The following SLC9A5 variants were observed in gnomAD, a reference collection of about 807,000 sequenced individuals.
SLC9A5 encodes the protein solute carrier family 9 member A5.
Under a neutral mutation model 91.7 loss-of-function variants are expected in SLC9A5, and 52 were observed. The observed-to-expected ratio is 0.57, with a 90% CI of 0.45 to 0.71. The LOEUF (loss-of-function observed/expected upper bound fraction) is 0.71. Ranked by LOEUF, SLC9A5 falls within the 30% of genes least tolerant of loss-of-function variation. The probability of loss-of-function intolerance (pLI) is 0.00; values close to 1 mark genes in which losing one functional copy is unlikely to be tolerated. For synonymous variants in SLC9A5, 419 were observed against 474.5 expected, an observed-to-expected ratio of 0.88 and a Z score of 1.52; for missense variants, 871 against 1,158.9, an observed-to-expected ratio of 0.75 and a Z score of 3.61.
chr16:67,271,334 T>C lies in SLC9A5; in HGVS notation c.*124T>C. The C allele has an allele frequency of 1.2e-6, 1 of 845,068 alleles. No homozygotes were observed. Among genetic ancestry groups the C allele is most frequent in the Non-Finnish European group, 1.9e-6 (1 of 537,922 alleles). 52.3% of individuals were successfully genotyped at this position (845,068 alleles called of 1,614,324 possible). A position where few individuals can be genotyped will look rare whatever the true frequency, so the allele number is the denominator to read the frequency against. Reference sequence around the variant, plus strand: ...CCTGGGTTGAAGTAGTAATTGGGCTTCCTTGGAGCTAGTCAGAGGGGTCAC... The same window carrying C: ...CCTGGGTTGAAGTAGTAATTGGGCTCCCTTGGAGCTAGTCAGAGGGGTCAC... On this transcript the variant is annotated 3_prime_UTR_variant, in exon 16 of 16. Transcript: ENST00000299798.
chr16:67,264,404 A>T lies in SLC9A5; in HGVS notation c.1895A>T (p.Gln632Leu). Reference protein sequence around the residue: ...HFISEDAQERQDKEVFQQNMK... With the variant: ...HFISEDAQERLDKEVFQQNMK... ...ATCTCAGAGGATGCGCAGGAGCGGC[A>T]GGACAAGGAGGTCTTCCAGCAGAAC... Residue 632 changes from glutamine to leucine, a missense_variant, in exon 13 of 16, where the codon CAG (glutamine) becomes CTG (leucine). Coordinates refer to ENST00000299798, the MANE Select transcript of SLC9A5 (RefSeq NM_004594.3). 2 of 1,614,164 alleles carry T rather than the reference A, an allele frequency of 1.2e-6. No individual in the cohort carries two copies. The highest frequency in any genetic ancestry group is 1.7e-6 in the Non-Finnish European group (2 of 1,180,024).
In SLC9A5 at chr16:67,257,119, A is replaced by C. The variant is rs1267255599; in HGVS notation, c.1335+6A>C. ...TCTTCACAGTCATCGTGCAGGTGGG[A>C]GTGCCCACAAGGCTGGGTAGGGAGA... is the stretch of plus-strand genomic sequence containing the variant. On this transcript the variant is annotated splice_donor_region_variant and intron_variant, in intron 7 of 15. Coordinates refer to ENST00000299798, the MANE Select transcript of SLC9A5 (RefSeq NM_004594.3). This position sits in a 1 kb window ranked among gnomAD's most constrained non-coding sequence, Gnocchi z 5.1. 6.2e-7 allele frequency: 1 copy of C among 1,605,482 alleles called. No homozygotes were observed.
rs939453669 is a variant in SLC9A5, at chr16:67,251,403, C to CTTTTTTTT, written c.188-1118_188-1111dup. Among the ~76,000 whole-genome samples, 13 of 64,808 alleles carry CTTTTTTTT rather than the reference C, an allele frequency of 2.0e-4. 1 individual carries two copies. The highest frequency in any genetic ancestry group is 3.4e-4 in the Non-Finnish European group (12 of 34,844). 42.5% of individuals were successfully genotyped at this position (64,808 alleles called of 152,430 possible). A position where few individuals can be genotyped will look rare whatever the true frequency, so the allele number is the denominator to read the frequency against. ...TGCTAAGTGCTTTTGAGTAGATTGT[C>CTTTTTTTT]TTTTTTTTTTTTTTTTTTTTTTTTT... On this transcript the variant is annotated intron_variant, in intron 1 of 15. Transcript: ENST00000299798.
At position 67,270,950 on chromosome 16, in the gene SLC9A5, A is replaced by G. The variant is rs1320499407; in HGVS notation, c.2431A>G (p.Ile811Val). 2 of 1,613,980 alleles carry G rather than the reference A, an allele frequency of 1.2e-6. No homozygotes were observed. The highest frequency in any genetic ancestry group is 1.1e-5 in the South Asian group (1 of 91,056). Reference protein sequence around the residue: ...LASPPCNQAPILTCLPPHPRG... With the variant: ...LASPPCNQAPVLTCLPPHPRG... ...GTCCCCTCCCTGTAACCAGGCCCCA[A>G]TTCTGACCTGCCTGCCTCCCCATCC... The change falls in exon 16 of 16, where the codon ATT becomes GTT. Residue 811 changes from isoleucine to valine, a missense_variant. By Grantham distance (29) the Ile-to-Val change is conservative. This residue lies in a region of SLC9A5 where 295 missense variants were observed against 326.0 expected (regional missense o/e 0.90). Transcript: ENST00000299798. This position sits in a 1 kb window ranked among gnomAD's most constrained non-coding sequence, Gnocchi z 4.3.
In SLC9A5 at chr16:67,255,698, C is replaced by A; in HGVS notation, c.734-55C>A. On this transcript the variant is annotated intron_variant, in intron 4 of 15. Transcript: ENST00000299798. The surrounding 1 kb of genome is among the most constrained non-coding windows in gnomAD (Gnocchi z 4.9). ...ACTCCCTGCCAGGCAGCAGTCTTGT[C>A]AGCCCGGGTAGGGTCCGGGCCAGGG... is the stretch of plus-strand genomic sequence containing the variant. 6.6e-7 allele frequency: 1 copy of A among 1,506,022 alleles called. No individual in the cohort carries two copies. Among genetic ancestry groups the A allele is most frequent in the South Asian group, 1.2e-5 (1 of 82,338 alleles). 93.3% of individuals were successfully genotyped at this position (1,506,022 alleles called of 1,614,324 possible). A position where few individuals can be genotyped will look rare whatever the true frequency, so the allele number is the denominator to read the frequency against.
Position 67,258,212 on chromosome 16 carries a change from TA to T in SLC9A5, c.1497-101del. ...ATTCTCTCTGGCTGAGGCCCATATC[TA>T]AAAAGCCAGGCCAGTGCTGACGGTG... On this transcript the variant is annotated intron_variant, in intron 9 of 15. Transcript: ENST00000299798. This position sits in a 1 kb window ranked among gnomAD's most constrained non-coding sequence, Gnocchi z 4.5. 3.3e-6 allele frequency: 4 copies of T among 1,212,520 alleles called. No individual in the cohort carries two copies. The highest frequency in any genetic ancestry group is 4.7e-6 in the Non-Finnish European group (4 of 848,416). 75.1% of individuals were successfully genotyped at this position (1,212,520 alleles called of 1,614,324 possible). A position where few individuals can be genotyped will look rare whatever the true frequency, so the allele number is the denominator to read the frequency against.
At chr16:67,260,412 C>T (rs985835157) in intron 12 of SLC9A5, among the ~76,000 whole-genome samples, 2 of 148,468 alleles carry the variant, frequency 1.3e-5, no homozygotes, top group African/African-American at 5.1e-5. Flanking sequence ...AATAAGAAAC[C>T]TCTGCTTTGT....
At chr16:67,250,526 CA>C (rs1471982245) in intron 1 of SLC9A5, among the ~76,000 whole-genome samples, 1 of 152,114 alleles carries the variant, frequency 6.6e-6, no homozygotes, top group Non-Finnish European at 1.5e-5. Context: ...GGGTTTATAG[CA>C]AAAACTGTAG....
rs2035180879 is a variant in SLC9A5, at chr16:67,252,857, A to G, written c.490+13A>G. On this transcript the variant is annotated intron_variant, in intron 2 of 15. Coordinates refer to ENST00000299798, the MANE Select transcript of SLC9A5 (RefSeq NM_004594.3). This position sits in a 1 kb window ranked among gnomAD's most constrained non-coding sequence, Gnocchi z 4.0. ...GCTGGACTTGTAGGTGAGTGACCCT[A>G]AGACCTGGGCTTTGCCAGACCCATC... is the stretch of plus-strand genomic sequence containing the variant. The G allele has an allele frequency of 1.2e-6, 2 of 1,606,402 alleles. No homozygotes were observed. Among genetic ancestry groups the G allele is most frequent in the Non-Finnish European group, 1.7e-6 (2 of 1,177,838 alleles).
chr16:67,268,501 G>A (rs977459685), intron 15 of SLC9A5, among the ~76,000 whole-genome samples: 5 of 149,624 alleles, frequency 3.3e-5, no homozygotes, highest in African/African-American at 1.2e-4. Flanking sequence ...GGCTGAGGCT[G>A]CAGTGAGCTA....
intron 14 of SLC9A5, 110 bp downstream of exon 14, chr16:67,265,216 C>A: frequency 1.0e-6 from 1 of 952,958 alleles, no homozygotes; most frequent in Non-Finnish European, 1.7e-6. Flanking sequence ...AGCACCGTGA[C>A]CTGGGGCTCT....
rs1417748575 is a variant in SLC9A5, at chr16:67,258,891, C to T, written c.1626+444C>T. On this transcript the variant is annotated intron_variant, in intron 10 of 15. Transcript: ENST00000299798. The surrounding 1 kb of genome is among the most constrained non-coding windows in gnomAD (Gnocchi z 4.5). ...TGAAACCCTGTCTCTACTAAAAATACAAAAACTAGCCAGGCATGGTGGTGC... is the reference window on the plus strand; with the variant it reads ...TGAAACCCTGTCTCTACTAAAAATATAAAAACTAGCCAGGCATGGTGGTGC... Among the ~76,000 whole-genome samples, 1 of 151,326 alleles carries T rather than the reference C, an allele frequency of 6.6e-6. No homozygotes were observed. Among genetic ancestry groups the T allele is most frequent in the Non-Finnish European group, 1.5e-5 (1 of 67,884 alleles).
intron 14 of SLC9A5, among the ~76,000 whole-genome samples, chr16:67,265,804 T>A (rs1295475962): frequency 1.3e-5 from 2 of 152,140 alleles, no homozygotes; most frequent in Non-Finnish European, 2.9e-5. Flanking sequence ...ATCGTGGGAT[T>A]TGGGGCTGAA....
rs2035931215 is a variant in SLC9A5, at chr16:67,271,685, G to C, written c.*475G>C. 6.1e-6 allele frequency: 1 copy of C among 163,404 alleles called. No homozygotes were observed. The highest frequency in any genetic ancestry group is 1.7e-4 in the South Asian group (1 of 5,874). 10.1% of individuals were successfully genotyped at this position (163,404 alleles called of 1,614,324 possible). On this transcript the variant is annotated 3_prime_UTR_variant, in exon 16 of 16. Coordinates refer to ENST00000299798, the MANE Select transcript of SLC9A5 (RefSeq NM_004594.3). ...GAGGGGCTGGCCCTTAGAGGAACTG[G>C]GGTGGGAGGTGGGGCAGGCCTCACC...
Position 67,270,621 on chromosome 16 carries a change from C to T in SLC9A5, c.2219-117C>T, listed in dbSNP as rs1358913090. 9 of 746,310 alleles carry T rather than the reference C, an allele frequency of 1.2e-5. No homozygotes were observed. The highest frequency in any genetic ancestry group is 1.7e-5 in the Non-Finnish European group (8 of 465,988). The allele number at this position is 746,310 out of a possible 1,614,324, so 46.2% of individuals were successfully genotyped here. A position where few individuals can be genotyped will look rare whatever the true frequency, so the allele number is the denominator to read the frequency against. ...ACTTCGCCTCAGCAAGACATTCATC[C>T]GATAATCGCAAAAATGGACGGCATA... On this transcript the variant is annotated intron_variant, in intron 15 of 15. Coordinates refer to ENST00000299798, the MANE Select transcript of SLC9A5 (RefSeq NM_004594.3). This position sits in a 1 kb window ranked among gnomAD's most constrained non-coding sequence, Gnocchi z 4.3.
Position 67,252,987 on chromosome 16 carries a change from C to A in SLC9A5, c.490+143C>A. On this transcript the variant is annotated intron_variant, in intron 2 of 15. Coordinates refer to ENST00000299798, the MANE Select transcript of SLC9A5 (RefSeq NM_004594.3). This position sits in a 1 kb window ranked among gnomAD's most constrained non-coding sequence, Gnocchi z 4.0. The stretch of plus-strand genomic sequence containing the variant: ...CCTCTGGAGTGCAAGGCAGTGCTCC[C>A]GCTGGGGTTCAGGCCTCATTGAGGT... 1.4e-6 allele frequency: 1 copy of A among 739,670 alleles called. No homozygotes were observed. Among genetic ancestry groups the A allele is most frequent in the Non-Finnish European group, 2.2e-6 (1 of 464,166 alleles). The allele number at this position is 739,670 out of a possible 1,614,324, so 45.8% of individuals were successfully genotyped here.
rs2035355158 is a variant in SLC9A5, at chr16:67,257,291, G to A, written c.1336-54G>A. The A allele has an allele frequency of 8.6e-6, 13 of 1,505,012 alleles. No individual in the cohort carries two copies. In the Admixed American group the frequency reaches 1.3e-4, roughly 16 times the overall value. The allele number at this position is 1,505,012 out of a possible 1,614,324, so 93.2% of individuals were successfully genotyped here. Reference sequence around the variant, plus strand: ...GAAGCCTCATTACGGGGAGAGAAAGGCAGCAGGGAACTGAATAGGAATAGG... The same window carrying A: ...GAAGCCTCATTACGGGGAGAGAAAGACAGCAGGGAACTGAATAGGAATAGG... On this transcript the variant is annotated intron_variant, in intron 7 of 15. Transcript: ENST00000299798. The surrounding 1 kb of genome is among the most constrained non-coding windows in gnomAD (Gnocchi z 5.1).
Position 67,270,844 on chromosome 16 carries a change from G to A in SLC9A5, c.2325G>A (p.Val775=), listed in dbSNP as rs761506217. 2 of 1,614,126 alleles carry A rather than the reference G, an allele frequency of 1.2e-6. No homozygotes were observed. The highest frequency in any genetic ancestry group is 1.7e-6 in the Non-Finnish European group (2 of 1,180,012). Residue 775 remains valine (V), a synonymous_variant, in exon 16 of 16, where the codon GTG becomes GTA. Coordinates refer to ENST00000299798, the MANE Select transcript of SLC9A5 (RefSeq NM_004594.3). This position sits in a 1 kb window ranked among gnomAD's most constrained non-coding sequence, Gnocchi z 4.3. ...KSGQGDLAVY[V]SSETTKIVPV... Reference sequence around the variant, plus strand: ...GGCAGGGGGACCTGGCAGTGTACGTGTCCTCGGAAACCACCAAGATTGTGC... The same window carrying A: ...GGCAGGGGGACCTGGCAGTGTACGTATCCTCGGAAACCACCAAGATTGTGC...
intron 15 of SLC9A5, among the ~76,000 whole-genome samples, chr16:67,266,867 T>A (rs1439697242): frequency 7.0e-6 from 1 of 142,736 alleles, no homozygotes; most frequent in East Asian, 2.0e-4. Flanking sequence ...TTTTTTTTTT[T>A]AAATGCCATT....
Sources: allele counts gnomAD v4.1 joint callset (sites outside exome capture counted in the v4.1 genomes callset), GRCh38; gene constraint gnomAD v4.1.1; regional missense constraint gnomAD v4.1.1; non-coding constraint Gnocchi (gnomAD v3.1); transcripts MANE v1.5; gene names NCBI Gene and HGNC (gene_info 2026-07-23, HGNC 2026-07-21).